Variants in NEK1 observed in about 807,000 individuals in gnomAD.
NEK1 encodes NIMA related kinase 1.
NEK1 carries 137 observed loss-of-function variants against 182.1 expected under a neutral mutation model. The observed-to-expected ratio is 0.75, with a 90% CI of 0.65 to 0.87. The LOEUF is 0.87. NEK1 is among the 40% of genes least tolerant of loss of function. The pLI is 0.00. For synonymous variants in NEK1, 513 were observed against 492.2 expected, an observed-to-expected ratio of 1.04 and a Z score of -0.56; for missense variants, 1,391 against 1,494.4, an observed-to-expected ratio of 0.93 and a Z score of 1.14.
intron 11 of NEK1, among the ~76,000 whole-genome samples, chr4:169,577,318 T>TG (rs1765848902): frequency 6.8e-6 from 1 of 146,894 alleles, no homozygotes; most frequent in South Asian, 2.1e-4. Context: ...TTTTTAATAT[T>TG]AAAAAAAAAA....
At chr4:169,481,944 C>A (rs1748109058) in intron 23 of NEK1, among the ~76,000 whole-genome samples, 1 of 152,184 alleles carries the variant, frequency 6.6e-6, no homozygotes, top group Non-Finnish European at 1.5e-5. Context: ...GCTGTTTTAT[C>A]TACACTGAAA....
intron 27 of NEK1, among the ~76,000 whole-genome samples, chr4:169,444,737 A>G (rs921384182): frequency 5.3e-5 from 8 of 152,200 alleles, no homozygotes; most frequent in Non-Finnish European, 8.8e-5. Context: ...TTTAAACTGC[A>G]CTTTAGACCA....
chr4:169,608,031 G>A (rs1489905436), intron 2 of NEK1, among the ~76,000 whole-genome samples: 2 of 151,948 alleles, frequency 1.3e-5, no homozygotes, highest in African/African-American at 2.4e-5. Flanking sequence ...AATCTCTACA[G>A]TTAATGCTGT....
chr4:169,505,346 C>T (rs536584724), intron 23 of NEK1, among the ~76,000 whole-genome samples: 2 of 152,122 alleles, frequency 1.3e-5, no homozygotes, highest in South Asian at 4.2e-4. Context: ...CAGCCTACTC[C>T]ACCTGAAGAT....
At chr4:169,430,903 A>AT (rs907189393) in intron 29 of NEK1, among the ~76,000 whole-genome samples, 28 of 151,956 alleles carry the variant, frequency 1.8e-4, no homozygotes, top group African/African-American at 6.8e-4. Flanking sequence ...ATTTTTGCTC[A>AT]TTTTTTTGTA....
chr4:169,499,208 G>A (rs55808187), intron 23 of NEK1, among the ~76,000 whole-genome samples: 1 of 152,138 alleles, frequency 6.6e-6, no homozygotes, highest in Non-Finnish European at 1.5e-5. Context: ...ACTGAGGCTT[G>A]TGCATTCGTC....
Position 169,536,980 on chromosome 4 carries a change from A to G in NEK1, c.1665+829T>C, listed in dbSNP as rs1019599170. ...GTTTCTATGACATTGTTTCAAAGAA[A>G]AAACATACTATATTGAACTACATTA... On this transcript the variant is annotated intron_variant, in intron 19 of 35. Coordinates refer to ENST00000507142, the MANE Select transcript of NEK1 (RefSeq NM_001199397.3). 3.3e-5 allele frequency among the ~76,000 whole-genome samples: 5 copies of G among 152,346 alleles called. No individual in the cohort carries two copies. In the East Asian group the frequency reaches 9.6e-4, roughly 29 times the overall value.
rs150532113 is a variant in NEK1 at position 169,544,318 on chromosome 4, A to C, written c.1563-6407T>G. Among the ~76,000 whole-genome samples, 1,004 of 152,258 alleles carry C rather than the reference A, an allele frequency of 6.6e-3. 6 individuals are homozygous for C. The highest frequency in any genetic ancestry group is 0.012 in the Non-Finnish European group (796 of 68,012). The stretch of plus-strand genomic sequence containing the variant: ...AGCCTTGCCTCCCAGGGATGAAGCC[A>C]ACTTGATCATGGTGGATAAGCTTTT... On this transcript the variant is annotated intron_variant, in intron 18 of 35. Coordinates refer to ENST00000507142, the MANE Select transcript of NEK1 (RefSeq NM_001199397.3).
At chr4:169,465,822 A>T (rs28839316) in intron 26 of NEK1, among the ~76,000 whole-genome samples, 177 of 152,272 alleles carry the variant, frequency 1.2e-3, no homozygotes, top group African/African-American at 3.7e-3. Context: ...AAAGCTTAAA[A>T]GCAAGACTTG....
chr4:169,554,702 A>G (rs1761917612), intron 18 of NEK1: 1 of 152,158 alleles, frequency 6.6e-6, no homozygotes, highest in Non-Finnish European at 1.5e-5. Context: ...TTTTGAAGGC[A>G]GTCACATTAT....
intron 27 of NEK1, among the ~76,000 whole-genome samples, chr4:169,440,160 T>C (rs1296791771): frequency 6.6e-6 from 1 of 150,912 alleles, no homozygotes; most frequent in Non-Finnish European, 1.5e-5. Context: ...CTATACTAGA[T>C]AAAAATTCTT....
chr4:169,450,766 C>T (rs1018803374), intron 27 of NEK1, among the ~76,000 whole-genome samples: 12 of 152,194 alleles, frequency 7.9e-5, no homozygotes, highest in African/African-American at 2.9e-4. Context: ...GCAAAATAAA[C>T]AGTGAACATC....
At chr4:169,537,968 T>A in intron 18 of NEK1, 57 bp from the exon 19 acceptor site, 1 of 1,242,700 alleles carries the variant, frequency 8.0e-7, no homozygotes. Context: ...TCTAAAAAGT[T>A]AAAAATTACA....
At chr4:169,578,235 T>C (rs376248411) in intron 11 of NEK1, among the ~76,000 whole-genome samples, 1 of 152,172 alleles carries the variant, frequency 6.6e-6, no homozygotes, top group Non-Finnish European at 1.5e-5. Flanking sequence ...CTCTGGAGGA[T>C]ATTAAAAGAA....
At chr4:169,508,926 G>A (rs962641000) in intron 19 of NEK1, 74 bp from the exon 20 acceptor site, 2 of 1,235,526 alleles carry the variant, frequency 1.6e-6, no homozygotes, top group African/African-American at 1.5e-5. Context: ...GAATATCCAG[G>A]TGCTACTTTA....
At chr4:169,413,221 G>A (rs936802854) in intron 31 of NEK1, among the ~76,000 whole-genome samples, 5 of 150,514 alleles carry the variant, frequency 3.3e-5, no homozygotes, top group Admixed American at 1.3e-4. Context: ...AGGCTGGAGC[G>A]TGACGGCATG....
intron 3 of NEK1, among the ~76,000 whole-genome samples, 160 bp downstream of exon 3, chr4:169,602,354 T>C (rs1010890143): frequency 3.3e-5 from 5 of 151,574 alleles, no homozygotes; most frequent in Admixed American, 2.0e-4. Flanking sequence ...ATAGAAAAAA[T>C]CTGAAAGAAT....
At chr4:169,535,130 G>A (rs962597162) in intron 19 of NEK1, among the ~76,000 whole-genome samples, 2 of 152,010 alleles carry the variant, frequency 1.3e-5, no homozygotes, top group Non-Finnish European at 2.9e-5. Flanking sequence ...GATCAGCCTG[G>A]CCAACATGGT....
intron 19 of NEK1, among the ~76,000 whole-genome samples, chr4:169,511,350 T>A (rs531500756): frequency 9.3e-4 from 141 of 152,176 alleles, no homozygotes; most frequent in African/African-American, 3.3e-3. Context: ...TGGGCAAAGA[T>A]GTGAGATAAA....
Sources: gnomAD v4.1 joint callset for allele counts (sites outside exome capture counted in the v4.1 genomes callset) on GRCh38, gnomAD v4.1.1 for gene constraint, MANE v1.5 for transcripts, NCBI Gene and HGNC (gene_info 2026-07-23, HGNC 2026-07-21) for gene names.